The following GRIP1 variants were observed in gnomAD, a reference collection of about 807,000 sequenced individuals.
GRIP1 encodes glutamate receptor-interacting protein 1.
A neutral mutation model predicts 129.9 loss-of-function variants in GRIP1; 45 were observed. That is an observed-to-expected ratio of 0.35 (90% confidence interval 0.27 to 0.44). The LOEUF (loss-of-function observed/expected upper bound fraction) is 0.44, where lower values mean the gene tolerates loss of function less well. Among genes scored for constraint, GRIP1 ranks in the 20% least tolerant of loss-of-function variants. The pLI, the probability that GRIP1 is intolerant of heterozygous loss-of-function variation, is 1.00. For synonymous variants in GRIP1, 530 were observed against 520.8 expected (o/e 1.02, Z -0.24); for missense variants, 1,196 against 1,396.8 (o/e 0.86, Z 2.29).
chr12:66,444,973 T>C (rs962755610), intron 12 of GRIP1, among the ~76,000 whole-genome samples: 8 of 152,258 alleles, frequency 5.3e-5, no homozygotes, highest in African/African-American at 1.9e-4. Context: ...AACCATGGTA[T>C]TGTTAGAATC....
chr12:66,697,784 TG>T (rs1175576222), intron 1 of GRIP1, among the ~76,000 whole-genome samples: 1 of 152,158 alleles, frequency 6.6e-6, no homozygotes, highest in Non-Finnish European at 1.5e-5. Context: ...GTATTTTTAG[TG>T]GGTTACTCTC....
chr12:67,063,353 T>C (rs2043567470), intron 1 of GRIP1, among the ~76,000 whole-genome samples: 1 of 152,208 alleles, frequency 6.6e-6, no homozygotes, highest in African/African-American at 2.4e-5. Flanking sequence ...CAGGTGCTTT[T>C]AATATGCAGA....
rs74100511 is a variant in GRIP1 at position 66,599,417 on chromosome 12, G to A, written c.56-2490C>T. Reference sequence around the variant, plus strand: ...GGAGGGCATAGCAGCAGAGCAGCATGGCACAATGTAACACTTGGTTTTTAA... The same window carrying A: ...GGAGGGCATAGCAGCAGAGCAGCATAGCACAATGTAACACTTGGTTTTTAA... On this transcript the variant is annotated intron_variant, in intron 1 of 24. Coordinates refer to ENST00000359742, the MANE Select transcript of GRIP1 (RefSeq NM_001366722.1). Among the ~76,000 whole-genome samples the A allele has an allele frequency of 5.0e-3, 762 of 152,252 alleles. 2 individuals are homozygous for A. The highest frequency in any genetic ancestry group is 0.017 in the African/African-American group (717 of 41,558).
chr12:66,853,448 T>C (rs948915690), intron 1 of GRIP1, among the ~76,000 whole-genome samples: 12 of 151,894 alleles, frequency 7.9e-5, no homozygotes, highest in Admixed American at 2.0e-4. Flanking sequence ...AATTTATCTT[T>C]TTTTCTCCTT....
intron 4 of GRIP1, among the ~76,000 whole-genome samples, chr12:66,533,930 G>A (rs1396770763): frequency 6.6e-6 from 1 of 150,628 alleles, no homozygotes; most frequent in Non-Finnish European, 1.5e-5. Flanking sequence ...TGAACTCTGT[G>A]GTTAGCTGAG....
intron 1 of GRIP1, among the ~76,000 whole-genome samples, chr12:66,729,597 G>A (rs535409204): frequency 1.1e-4 from 16 of 151,874 alleles, no homozygotes; most frequent in African/African-American, 3.9e-4. Flanking sequence ...TTTTTGAGAC[G>A]GAGTCTTGCT....
In GRIP1 at chr12:66,371,942, A is replaced by G; in HGVS notation, c.2779-15T>C. ...ATGATTGTTGCCTGTGGCATTGACA[A>G]TTTTTAGAAACAATTAAGCCATGGA... On this transcript the variant is annotated splice_polypyrimidine_tract_variant and intron_variant, in intron 22 of 24. Coordinates refer to ENST00000359742, the MANE Select transcript of GRIP1 (RefSeq NM_001366722.1). 2.0e-6 allele frequency: 3 copies of G among 1,534,218 alleles called. No homozygotes were observed. The highest frequency in any genetic ancestry group is 1.8e-6 in the Non-Finnish European group (2 of 1,112,486).
At chr12:66,578,499 C>T (rs2063230118) in intron 2 of GRIP1, among the ~76,000 whole-genome samples, 1 of 152,154 alleles carries the variant, frequency 6.6e-6, no homozygotes, top group Non-Finnish European at 1.5e-5. Context: ...GTTCCCTTTC[C>T]TAGTCAAAGA....
intron 2 of GRIP1, among the ~76,000 whole-genome samples, chr12:66,542,256 G>A (rs1004339879): frequency 1.3e-5 from 2 of 152,024 alleles, no homozygotes; most frequent in Non-Finnish European, 2.9e-5. Context: ...GACATTCTCT[G>A]GTTTCTCTCC....
At chr12:66,712,574 G>GAATTT (rs2035745635) in intron 1 of GRIP1, among the ~76,000 whole-genome samples, 1 of 151,906 alleles carries the variant, frequency 6.6e-6, no homozygotes, top group Non-Finnish European at 1.5e-5. Context: ...AACATTAAAT[G>GAATTT]AAGTCAAACA....
intron 1 of GRIP1, among the ~76,000 whole-genome samples, chr12:66,765,284 A>G (rs1480507965): frequency 6.6e-6 from 1 of 152,166 alleles, no homozygotes; most frequent in Non-Finnish European, 1.5e-5. Context: ...TGCAGGAAGC[A>G]TATTTTTTGA....
At chr12:66,365,416 A>C (rs1333051794) in intron 23 of GRIP1, among the ~76,000 whole-genome samples, 1 of 152,216 alleles carries the variant, frequency 6.6e-6, no homozygotes, top group Non-Finnish European at 1.5e-5. Flanking sequence ...CAGCCTGGGC[A>C]ACAAAGCCAG....
chr12:66,848,433 G>A (rs1362285947), intron 1 of GRIP1, among the ~76,000 whole-genome samples: 2 of 152,126 alleles, frequency 1.3e-5, no homozygotes, highest in Non-Finnish European at 2.9e-5. Context: ...TCTGTGGGGA[G>A]CTGACAATCC....
At chr12:66,945,215 C>T (rs7297330) in intron 1 of GRIP1, among the ~76,000 whole-genome samples, 2 of 151,736 alleles carry the variant, frequency 1.3e-5, no homozygotes, top group African/African-American at 2.4e-5. Context: ...GGTTTGTTAT[C>T]TAGGTAAATT....
Position 66,729,052 on chromosome 12 carries a change from ATT to A in GRIP1, c.-420+74999_-420+75000del, listed in dbSNP as rs11290586. On this transcript the variant is annotated intron_variant, in intron 1 of 4. Transcript: ENST00000538373. The stretch of plus-strand genomic sequence containing the variant: ...TACATTCTTCAGACAAAATACGTTA[ATT>A]TTTTTTTTTTTTTTAAAGAGATGGG... Among the ~76,000 whole-genome samples the A allele has an allele frequency of 6.7e-4, 98 of 146,884 alleles. 1 individual carries two copies. Among genetic ancestry groups the A allele is most frequent in the South Asian group, 2.4e-3 (11 of 4,616 alleles).
chr12:66,541,990 A>G, intron 2 of GRIP1, 40 bp from the exon 3 acceptor site: 2 of 1,588,054 alleles, frequency 1.3e-6, no homozygotes, highest in Non-Finnish European at 1.7e-6. Flanking sequence ...AAATGAGAGT[A>G]GAATCACCAA....
At chr12:67,018,084 T>C (rs2042814447) in intron 1 of GRIP1, among the ~76,000 whole-genome samples, 1 of 152,134 alleles carries the variant, frequency 6.6e-6, no homozygotes, top group Non-Finnish European at 1.5e-5. Flanking sequence ...TCCTCTGTCG[T>C]CCTGGTCTCA....
chr12:66,446,098 C>CCCCCCCACCCCGT (rs2058620546), intron 11 of GRIP1, among the ~76,000 whole-genome samples: 2 of 137,190 alleles, frequency 1.5e-5, no homozygotes, highest in Admixed American at 7.1e-5. Flanking sequence ...CCTCCTGCCG[C>CCCCCCCACCCCGT]CCCCCACCAC....
chr12:66,721,184 A>G (rs746271607), intron 1 of GRIP1, among the ~76,000 whole-genome samples: 1 of 152,192 alleles, frequency 6.6e-6, no homozygotes, highest in Non-Finnish European at 1.5e-5. Flanking sequence ...TAATATTTTG[A>G]AAGGAATCTT....
Sources: gnomAD v4.1 joint callset for allele counts (sites outside exome capture counted in the v4.1 genomes callset) on GRCh38, gnomAD v4.1.1 for gene constraint, MANE v1.5 for transcripts, NCBI Gene and HGNC (gene_info 2026-07-23, HGNC 2026-07-21) for gene names.